The following CNBD1 variants were observed in gnomAD, a reference collection of about 807,000 sequenced individuals.
CNBD1 encodes the protein cyclic nucleotide-binding domain-containing protein 1.
In CNBD1, 71 loss-of-function variants were observed where a neutral mutation model predicts 54.4. That is an observed-to-expected ratio of 1.30 (90% CI 1.08 to 1.59). The LOEUF (loss-of-function observed/expected upper bound fraction) is 1.59, where lower values mean the gene tolerates loss of function less well. CNBD1 is among the 40% of genes most tolerant of loss of function. CNBD1 has a pLI of 0.00. For missense variants in CNBD1, 659 were observed against 518.0 expected, an observed-to-expected ratio of 1.27 and a Z score of -2.64; for synonymous variants, 182 against 170.7, an observed-to-expected ratio of 1.07 and a Z score of -0.51.
intron 3 of CNBD1, among the ~76,000 whole-genome samples, chr8:86,916,760 G>A (rs1022256314): frequency 6.6e-6 from 1 of 151,744 alleles, no homozygotes; most frequent in African/African-American, 2.4e-5. Flanking sequence ...CTGGAGTGCA[G>A]TGGTGCAAAC....
chr8:87,025,559 G>A (rs757431046), intron 4 of CNBD1, among the ~76,000 whole-genome samples: 23 of 151,296 alleles, frequency 1.5e-4, no homozygotes, highest in Admixed American at 8.5e-4. Flanking sequence ...GCGAGACCGC[G>A]AACCCACCAG....
Position 87,426,385 on chromosome 8 carries a change from T to A in CNBD1, c.214-2161T>A, listed in dbSNP as rs1808051392. The stretch of plus-strand genomic sequence containing the variant: ...TAAATTATTAAATGCAACATCATGA[T>A]CGGAGTAATGTAAGGTTGGTATAAA... On this transcript the variant is annotated intron_variant, in intron 2 of 7. Coordinates refer to the CNBD1 transcript ENST00000521593. Among the ~76,000 whole-genome samples, 5 of 152,196 alleles carry A rather than the reference T, an allele frequency of 3.3e-5. No homozygotes were observed. The South Asian group carries it at 1.0e-3, about 31-fold the overall frequency.
chr8:87,086,409 T>C (rs888522712), intron 4 of CNBD1, among the ~76,000 whole-genome samples: 86 of 152,214 alleles, frequency 5.6e-4, no homozygotes, highest in African/African-American at 2.0e-3. Flanking sequence ...TAGCTTTTTC[T>C]GATTGTTAGA....
At chr8:87,390,441 G>A (rs1177482178) in intron 2 of CNBD1, among the ~76,000 whole-genome samples, 2 of 152,142 alleles carry the variant, frequency 1.3e-5, no homozygotes, top group Admixed American at 6.5e-5. Flanking sequence ...GATATGAACA[G>A]ACACTTCTCA....
intron 4 of CNBD1, among the ~76,000 whole-genome samples, chr8:87,088,843 AG>A (rs1563464015): frequency 1.3e-5 from 2 of 152,168 alleles, no homozygotes; most frequent in Non-Finnish European, 2.9e-5. Context: ...GGTGTGTAAA[AG>A]TAAAACTGAA....
chr8:86,950,924 ATGTGTTCATTTATTC>A (rs558839175), intron 4 of CNBD1, among the ~76,000 whole-genome samples: 59 of 152,090 alleles, frequency 3.9e-4, no homozygotes, highest in Middle Eastern at 3.4e-3. Flanking sequence ...AATGTATTTT[ATGTGTTCATTTATTC>A]TGTGTTCATT....
At chr8:87,124,820 A>T in intron 4 of CNBD1, among the ~76,000 whole-genome samples, 1 of 151,834 alleles carries the variant, frequency 6.6e-6, no homozygotes. Flanking sequence ...GGCAAGAGAA[A>T]GAAATACAAG....
At chr8:87,383,083 TTGAATAGCTGTCTTGGTTCCAA>T (rs1811114727), downstream of CNBD1, among the ~76,000 whole-genome samples, 1 of 152,020 alleles carries the variant, frequency 6.6e-6, no homozygotes, top group African/African-American at 2.4e-5. Context: ...CAAAAAGACA[TTGAATAGCTGTCTTGGTTCCAA>T]ATTTATTTGA....
At chr8:87,185,220 G>T (rs1196274884) in intron 4 of CNBD1, among the ~76,000 whole-genome samples, 1 of 152,106 alleles carries the variant, frequency 6.6e-6, no homozygotes, top group African/African-American at 2.4e-5. Flanking sequence ...AAATATCAAT[G>T]AGATTAAATT....
chr8:87,403,902 T>C (rs1463494813), intron 2 of CNBD1, among the ~76,000 whole-genome samples: 5 of 151,986 alleles, frequency 3.3e-5, no homozygotes, highest in Admixed American at 6.6e-5. Context: ...TGAAAGCCAC[T>C]CTCCCCCATG....
At chr8:87,098,943 A>G (rs1028956221) in intron 4 of CNBD1, among the ~76,000 whole-genome samples, 5 of 146,348 alleles carry the variant, frequency 3.4e-5, no homozygotes, top group African/African-American at 1.2e-4. Context: ...AGGCTAAGGC[A>G]GGAGAATAGT....
chr8:86,880,235 A>ACAG (rs34572817), intron 1 of CNBD1, among the ~76,000 whole-genome samples: 20 of 15,946 alleles, frequency 1.3e-3, no homozygotes, highest in African/African-American at 7.2e-3. Context: ...CTGATTAACG[A>ACAG]TCCTTATTGT....
intron 2 of CNBD1, among the ~76,000 whole-genome samples, chr8:87,392,635 G>T (rs1811330759): frequency 1.3e-5 from 2 of 151,960 alleles, no homozygotes; most frequent in South Asian, 4.1e-4. Context: ...ATTAGCTGTT[G>T]CTAGGCATGA....
At chr8:86,874,986 T>TTATA (rs10584669) in intron 1 of CNBD1, among the ~76,000 whole-genome samples, 3,593 of 119,692 alleles carry the variant, frequency 0.03, 80 homozygotes, top group Middle Eastern at 0.039. Context: ...GTAAATCAAT[T>TTATA]TATATATATA....
At chr8:87,274,506 T>C (rs1265388050) in intron 6 of CNBD1, among the ~76,000 whole-genome samples, 1 of 149,042 alleles carries the variant, frequency 6.7e-6, no homozygotes, top group African/African-American at 2.5e-5. Context: ...TTGATTTGCA[T>C]TTCTCTGATG....
intron 2 of CNBD1, among the ~76,000 whole-genome samples, chr8:87,397,390 C>T (rs540257364): frequency 6.6e-6 from 1 of 151,874 alleles, no homozygotes; most frequent in African/African-American, 2.4e-5. Flanking sequence ...ACCAAATTAT[C>T]ATTTGTTTTG....
intron 4 of CNBD1, among the ~76,000 whole-genome samples, chr8:87,140,254 T>C (rs1348951791): frequency 6.6e-6 from 1 of 152,132 alleles, no homozygotes; most frequent in African/African-American, 2.4e-5. Flanking sequence ...ACACACCTTG[T>C]ACAATATAGC....
intron 4 of CNBD1, among the ~76,000 whole-genome samples, chr8:87,152,439 TA>T (rs5893013): frequency 0.024 from 3,296 of 138,106 alleles, 89 homozygotes; most frequent in African/African-American, 0.068. Flanking sequence ...GCTGATGAGC[TA>T]AAAAAAAAAA....
At chr8:87,075,497 G>C (rs181288483) in intron 4 of CNBD1, among the ~76,000 whole-genome samples, 1 of 152,172 alleles carries the variant, frequency 6.6e-6, no homozygotes, top group African/African-American at 2.4e-5. Flanking sequence ...AGATGCTGGA[G>C]TCCTCATTCA....
Sources: gnomAD v4.1 joint callset for allele counts (sites outside exome capture counted in the v4.1 genomes callset) on GRCh38, gnomAD v4.1.1 for gene constraint, MANE v1.5 for transcripts, NCBI Gene and HGNC (gene_info 2026-07-23, HGNC 2026-07-21) for gene names.